The following SORCS1 variants were observed in gnomAD, a reference collection of about 807,000 sequenced individuals.
SORCS1 encodes the protein sortilin related VPS10 domain containing receptor 1.
A neutral mutation model predicts 146.1 loss-of-function variants in SORCS1; 60 were observed. The ratio of observed to expected loss-of-function variants is 0.41; its 90% confidence interval spans 0.33 to 0.51. The LOEUF is 0.51. Ranked by LOEUF, SORCS1 falls within the 20% of genes least tolerant of loss-of-function variation. The pLI is 0.21. For synonymous variants in SORCS1, 637 were observed against 584.0 expected (o/e 1.09, Z -1.31); for missense variants, 1,352 against 1,487.6 (o/e 0.91, Z 1.50).
chr10:106,615,366 C>A (rs1385926557), intron 21 of SORCS1, among the ~76,000 whole-genome samples: 1 of 152,168 alleles, frequency 6.6e-6, no homozygotes, highest in Non-Finnish European at 1.5e-5. Context: ...CACTGGAAAC[C>A]CACGTGCTTC....
chr10:106,668,587 C>A (rs567563742), intron 16 of SORCS1, among the ~76,000 whole-genome samples: 1 of 152,072 alleles, frequency 6.6e-6, no homozygotes, highest in Non-Finnish European at 1.5e-5. Context: ...AGGCAGCAAT[C>A]GGCAAGCATT....
Position 106,576,971 on chromosome 10 carries a change from G to A in SORCS1, c.*449C>T. 3.9e-6 allele frequency: 1 copy of A among 256,868 alleles called. No individual in the cohort carries two copies. Among genetic ancestry groups the A allele is most frequent in the Non-Finnish European group, 7.6e-6 (1 of 130,948 alleles). The allele number at this position is 256,868 out of a possible 1,614,324, so 15.9% of individuals were successfully genotyped here. On this transcript the variant is annotated 3_prime_UTR_variant, in exon 26 of 26. Coordinates refer to ENST00000263054, the MANE Select transcript of SORCS1 (RefSeq NM_052918.5). ...CAAACACGACCGATCAGAAAAAAGAGAGAGAAGAAGAAAGAGGGAGAGGGG... is the reference window on the plus strand; with the variant it reads ...CAAACACGACCGATCAGAAAAAAGAAAGAGAAGAAGAAAGAGGGAGAGGGG...
intron 8 of SORCS1, among the ~76,000 whole-genome samples, chr10:106,704,582 C>T (rs913181969): frequency 2.6e-5 from 4 of 152,132 alleles, no homozygotes; most frequent in East Asian, 3.9e-4. Flanking sequence ...CCCAGCTACT[C>T]GGGAGGCTGA....
intron 1 of SORCS1, among the ~76,000 whole-genome samples, chr10:106,959,204 G>A (rs918166454): frequency 6.6e-6 from 1 of 152,152 alleles, no homozygotes; most frequent in African/African-American, 2.4e-5. Flanking sequence ...TCTTCTTGCA[G>A]GGCTAGTAAA....
intron 5 of SORCS1, among the ~76,000 whole-genome samples, chr10:106,734,713 A>G (rs1447683405): frequency 6.6e-6 from 1 of 152,072 alleles, no homozygotes; most frequent in Non-Finnish European, 1.5e-5. Flanking sequence ...TTTTTTCTAT[A>G]TTTTTCCTAT....
intron 3 of SORCS1, among the ~76,000 whole-genome samples, chr10:106,777,974 T>C (rs1589855793): frequency 6.6e-6 from 1 of 152,156 alleles, no homozygotes; most frequent in African/African-American, 2.4e-5. Context: ...CAGCTGAGGA[T>C]GCTGCACTTC....
At chr10:106,748,527 A>C (rs1469984407) in intron 5 of SORCS1, among the ~76,000 whole-genome samples, 1 of 152,130 alleles carries the variant, frequency 6.6e-6, no homozygotes, top group Non-Finnish European at 1.5e-5. Flanking sequence ...GAGATGCAAG[A>C]ATATTGCAAC....
At chr10:106,579,941 C>T (rs1453406293) in intron 24 of SORCS1, among the ~76,000 whole-genome samples, 3 of 151,608 alleles carry the variant, frequency 2.0e-5, no homozygotes, top group East Asian at 1.9e-4. Flanking sequence ...TATTATTAAT[C>T]AATATTTATA....
chr10:106,934,129 T>C (rs1046558219), intron 2 of SORCS1, among the ~76,000 whole-genome samples: 55 of 151,290 alleles, frequency 3.6e-4, no homozygotes, highest in African/African-American at 1.3e-3. Context: ...GAAAGAAAAT[T>C]TCAAAAGTGA....
chr10:106,798,950 G>A (rs933021400), intron 3 of SORCS1, among the ~76,000 whole-genome samples: 2 of 152,164 alleles, frequency 1.3e-5, no homozygotes, highest in African/African-American at 4.8e-5. Context: ...GAACAAAGCT[G>A]GAGGCATCAC....
intron 9 of SORCS1, among the ~76,000 whole-genome samples, chr10:106,697,753 G>A (rs930182569): frequency 2.0e-5 from 3 of 152,112 alleles, no homozygotes; most frequent in African/African-American, 7.2e-5. Flanking sequence ...TTTAAGCAAC[G>A]AAACTGTGGC....
At chr10:106,964,677 G>A (rs1240568863) in intron 1 of SORCS1, among the ~76,000 whole-genome samples, 2 of 151,836 alleles carry the variant, frequency 1.3e-5, no homozygotes, top group Admixed American at 6.6e-5. Flanking sequence ...TAGTAGAGAC[G>A]GTGTTTCACT....
chr10:106,972,683 G>A (rs2139233704), intron 1 of SORCS1, among the ~76,000 whole-genome samples: 1 of 152,202 alleles, frequency 6.6e-6, no homozygotes, highest in Middle Eastern at 3.4e-3. Flanking sequence ...TCATAGCTGT[G>A]TAGAGACTCA....
intron 1 of SORCS1, among the ~76,000 whole-genome samples, chr10:106,995,857 A>G (rs12572392): frequency 0.24 from 35,924 of 152,112 alleles, 4,773 homozygotes; most frequent in Middle Eastern, 0.35. Context: ...TATTTTACTT[A>G]TAACAAGGGA....
intron 1 of SORCS1, among the ~76,000 whole-genome samples, chr10:107,007,175 T>C (rs1169279697): frequency 1.3e-5 from 2 of 152,226 alleles, no homozygotes; most frequent in Admixed American, 1.3e-4. Context: ...GTGGTAACTG[T>C]GTGTGGTGAT....
At chr10:106,997,877 C>T (rs1352376757) in intron 1 of SORCS1, among the ~76,000 whole-genome samples, 1 of 152,176 alleles carries the variant, frequency 6.6e-6, no homozygotes, top group East Asian at 1.9e-4. Flanking sequence ...CAGTAACCGC[C>T]CTCTCAAATG....
chr10:106,795,993 A>T (rs1589896637), intron 3 of SORCS1, among the ~76,000 whole-genome samples: 2 of 152,326 alleles, frequency 1.3e-5, no homozygotes, highest in South Asian at 4.1e-4. Context: ...GGGGTGAGAG[A>T]TGCATGCTAG....
intron 1 of SORCS1, among the ~76,000 whole-genome samples, chr10:107,139,580 G>T (rs1967625058): frequency 6.6e-6 from 1 of 152,080 alleles, no homozygotes; most frequent in South Asian, 2.1e-4. Context: ...ATTCTCAAAG[G>T]TATAGTCAGG....
chr10:106,672,803 T>C (rs548631383), intron 15 of SORCS1, 65 bp downstream of exon 15: 3 of 1,382,154 alleles, frequency 2.2e-6, no homozygotes, highest in Non-Finnish European at 3.1e-6. Flanking sequence ...CCTTAGCAAC[T>C]AGCTTTCCCC....
Sources: gnomAD v4.1 joint callset for allele counts (sites outside exome capture counted in the v4.1 genomes callset) on GRCh38, gnomAD v4.1.1 for gene constraint, MANE v1.5 for transcripts, NCBI Gene and HGNC (gene_info 2026-07-23, HGNC 2026-07-21) for gene names.